The following TADA2A variants were observed in gnomAD, a reference collection of about 807,000 sequenced individuals.
TADA2A encodes the protein transcriptional adaptor 2A, also known as transcriptional adapter 2-alpha.
In TADA2A, 38 loss-of-function variants were observed where a neutral mutation model predicts 67.4. The observed-to-expected ratio is 0.56, with a 90% CI of 0.44 to 0.74. TADA2A has a LOEUF of 0.74. Among genes scored for constraint, TADA2A ranks in the 30% least tolerant of loss-of-function variants. The pLI, the probability that TADA2A is intolerant of heterozygous loss-of-function variation, is 0.00. For missense variants in TADA2A, 454 were observed against 547.0 expected (o/e 0.83, Z 1.70); for synonymous variants, 192 against 181.6 (o/e 1.06, Z -0.46).
chr17:37,435,139 A>AT (rs1246868671), intron 4 of TADA2A, among the ~76,000 whole-genome samples: 20 of 152,226 alleles, frequency 1.3e-4, no homozygotes, highest in African/African-American at 4.8e-4. Flanking sequence ...CCAGCTACTC[A>AT]TTGCTACTGG....
At chr17:37,463,885 G>A (rs892548615) in intron 10 of TADA2A, among the ~76,000 whole-genome samples, 3 of 151,924 alleles carry the variant, frequency 2.0e-5, no homozygotes, top group African/African-American at 7.3e-5. Flanking sequence ...CCCGGGAGGC[G>A]GAGGTCGCAG....
At chr17:37,447,695 G>T (rs973730318) in intron 8 of TADA2A, among the ~76,000 whole-genome samples, 1 of 152,304 alleles carries the variant, frequency 6.6e-6, no homozygotes, top group Non-Finnish European at 1.5e-5. Flanking sequence ...CCACAGAGAG[G>T]TATTTTGTTT....
At chr17:37,442,198 C>CTTTTTT (rs760306260) in intron 6 of TADA2A, among the ~76,000 whole-genome samples, 12 of 75,388 alleles carry the variant, frequency 1.6e-4, no homozygotes, top group Non-Finnish European at 2.8e-4. Flanking sequence ...TTTTTCCCGT[C>CTTTTTT]TTTTTTTTTT....
At chr17:37,413,237 A>C (rs1383852762) in intron 2 of TADA2A, among the ~76,000 whole-genome samples, 2 of 152,068 alleles carry the variant, frequency 1.3e-5, no homozygotes, top group Non-Finnish European at 2.9e-5. Flanking sequence ...TGACAGAACA[A>C]TTTCTTAAAG....
At chr17:37,467,862 A>T (rs2053699280) in intron 12 of TADA2A, among the ~76,000 whole-genome samples, 1 of 152,138 alleles carries the variant, frequency 6.6e-6, no homozygotes, top group East Asian at 1.9e-4. Flanking sequence ...CAGGTGGGTC[A>T]CTTCAGTCCA....
At chr17:37,457,491 C>G (rs1421458050) in intron 8 of TADA2A, among the ~76,000 whole-genome samples, 1 of 72,398 alleles carries the variant, frequency 1.4e-5, no homozygotes, top group African/African-American at 6.2e-5. Context: ...AACATTAATT[C>G]TTTTTTTTTT....
intron 8 of TADA2A, 27 bp from the exon 9 acceptor site, chr17:37,458,497 A>C: frequency 2.0e-6 from 3 of 1,535,588 alleles, no homozygotes; most frequent in Non-Finnish European, 2.7e-6. Flanking sequence ...ATATGTATAT[A>C]TAGTATATGT....
At chr17:37,413,552 T>G (rs1186224301) in intron 2 of TADA2A, among the ~76,000 whole-genome samples, 2 of 152,104 alleles carry the variant, frequency 1.3e-5, no homozygotes, top group African/African-American at 4.8e-5. Context: ...TTTTTAATTT[T>G]TTTTATTTTT....
intron 8 of TADA2A, among the ~76,000 whole-genome samples, chr17:37,446,995 G>T (rs1384912107): frequency 6.6e-6 from 1 of 152,092 alleles, no homozygotes; most frequent in African/African-American, 2.4e-5. Context: ...TTAGGTATTT[G>T]TACTCTCCCT....
At chr17:37,454,609 A>G (rs994706254) in intron 8 of TADA2A, 2 of 197,508 alleles carry the variant, frequency 1.0e-5, no homozygotes, top group African/African-American at 2.4e-5. Context: ...ATTCCTTTCT[A>G]AGGAATCCTT....
chr17:37,418,145 A>G (rs1014608473), intron 2 of TADA2A, among the ~76,000 whole-genome samples: 1 of 152,198 alleles, frequency 6.6e-6, no homozygotes, highest in Non-Finnish European at 1.5e-5. Context: ...CTTATATACA[A>G]TTGCCTGTCT....
rs960786246 is a variant in TADA2A, at chr17:37,458,574, C to A, written c.655C>A (p.Gln219Lys). ...CTATCATTCCAGGTTAAAGGAGAGA[C>A]AAAGACGAAAAAAGTAAGTATAAAA... is the stretch of plus-strand genomic sequence containing the variant. Reference protein sequence around the residue: ...DIYHSRLKERQRRKKIIRDHG... With the variant: ...DIYHSRLKERKRRKKIIRDHG... The change falls in exon 9 of 16, where the codon CAA (glutamine) becomes AAA (lysine). Residue 219 changes from glutamine (Q) to lysine (K), a missense_variant. Gln to Lys is a moderately conservative substitution (Grantham distance 53). Around this residue, in one of 2 missense-constraint regions of TADA2A, gnomAD observed 403 missense variants for 455.5 expected, o/e 0.88. Coordinates refer to ENST00000615182, the MANE Select transcript of TADA2A (RefSeq NM_001166105.3). 6.2e-7 allele frequency: 1 copy of A among 1,611,984 alleles called. No individual in the cohort carries two copies. The highest frequency in any genetic ancestry group is 1.7e-5 in the Admixed American group (1 of 59,844).
rs540875442 is a variant in TADA2A at position 37,445,703 on chromosome 17, A to T, written c.604+935A>T. Among the ~76,000 whole-genome samples the T allele has an allele frequency of 8.6e-5, 13 of 150,932 alleles. No individual in the cohort carries two copies. In the South Asian group the frequency reaches 2.7e-3, roughly 31 times the overall value. The stretch of plus-strand genomic sequence containing the variant: ...TTGAGTCCCTTTTTTCCTTCTTTCC[A>T]TTTTCAGTGAACTACATACTAATAT... On this transcript the variant is annotated intron_variant, in intron 8 of 15. Transcript: ENST00000615182.
At position 37,479,610 on chromosome 17, in the gene TADA2A, G is replaced by T. The variant is rs2148061760; in HGVS notation, c.*2628G>T. ...AGTTTACCCTGAAACTTAATGACATGAATAAAACCTGTTTACTGAAATTTT... is the reference window on the plus strand; with the variant it reads ...AGTTTACCCTGAAACTTAATGACATTAATAAAACCTGTTTACTGAAATTTT... On this transcript the variant is annotated 3_prime_UTR_variant, in exon 16 of 16. Transcript: ENST00000615182. 6.6e-6 allele frequency: 1 copy of T among 152,242 alleles called. No homozygotes were observed. Among genetic ancestry groups the T allele is most frequent in the East Asian group, 1.9e-4 (1 of 5,182 alleles). 9.4% of individuals were successfully genotyped at this position (152,242 alleles called of 1,614,324 possible). A position where few individuals can be genotyped will look rare whatever the true frequency, so the allele number is the denominator to read the frequency against.
intron 8 of TADA2A, chr17:37,455,023 T>A (rs1020585925): frequency 1.9e-5 from 3 of 155,236 alleles, no homozygotes; most frequent in African/African-American, 7.2e-5. Flanking sequence ...ATTTTAGTTT[T>A]TCAGAGGACA....
chr17:37,472,697 A>G (rs1033174673), intron 14 of TADA2A, among the ~76,000 whole-genome samples: 2 of 151,608 alleles, frequency 1.3e-5, no homozygotes, highest in Non-Finnish European at 2.9e-5. Context: ...TCTCTCCTGA[A>G]AAAAAAATAT....
At chr17:37,409,184 C>G (rs2051777363) in intron 1 of TADA2A, among the ~76,000 whole-genome samples, 1 of 152,106 alleles carries the variant, frequency 6.6e-6, no homozygotes, top group African/African-American at 2.4e-5. Context: ...CTGCCTGGTT[C>G]AAGCAACTCT....
chr17:37,462,357 G>A (rs558007018), intron 10 of TADA2A, among the ~76,000 whole-genome samples: 3 of 152,026 alleles, frequency 2.0e-5, no homozygotes, highest in Non-Finnish European at 4.4e-5. Context: ...GGCCAGGCGC[G>A]GTGGCTCTTG....
At chr17:37,462,610 C>G (rs138018769) in intron 10 of TADA2A, among the ~76,000 whole-genome samples, 6 of 149,534 alleles carry the variant, frequency 4.0e-5, no homozygotes, top group African/African-American at 1.5e-4. Context: ...CCAGCCTGGG[C>G]GATAGAGCAA....
Sources: gnomAD v4.1 joint callset for allele counts (sites outside exome capture counted in the v4.1 genomes callset) on GRCh38, gnomAD v4.1.1 for gene constraint, gnomAD v4.1.1 regional missense constraint, MANE v1.5 for transcripts, NCBI Gene and HGNC (gene_info 2026-07-23, HGNC 2026-07-21) for gene names.